UBE2H: variants seen among roughly 807,000 people sequenced by gnomAD.
UBE2H encodes ubiquitin conjugating enzyme E2 H, also known as ubiquitin-conjugating enzyme E2 H.
A neutral mutation model predicts 29.0 loss-of-function variants in UBE2H; 3 were observed. That is an observed-to-expected ratio of 0.10 (90% CI 0.05 to 0.27). UBE2H has a LOEUF of 0.27. Among genes scored for constraint, UBE2H ranks in the 10% least tolerant of loss-of-function variants. UBE2H has a pLI of 1.00. For synonymous variants in UBE2H, 69 were observed against 82.9 expected (o/e 0.83, Z 0.91); for missense variants, 68 against 228.2 (o/e 0.30, Z 4.52).
intron 5 of UBE2H, among the ~76,000 whole-genome samples, chr7:129,856,206 A>C (rs1007868953): frequency 2.0e-5 from 3 of 152,246 alleles, no homozygotes; most frequent in Admixed American, 2.0e-4. Flanking sequence ...TAACTTGCAG[A>C]TTGTGGCTGG....
At chr7:129,881,415 G>C (rs1018476710) in intron 1 of UBE2H, among the ~76,000 whole-genome samples, 2 of 152,214 alleles carry the variant, frequency 1.3e-5, no homozygotes, top group African/African-American at 4.8e-5. Context: ...GAGAGGCCTA[G>C]GCGGGTGGAT....
chr7:129,894,269 T>C (rs1174410721), intron 1 of UBE2H, among the ~76,000 whole-genome samples: 2 of 151,170 alleles, frequency 1.3e-5, no homozygotes, highest in African/African-American at 2.4e-5. Flanking sequence ...GCTTGGGCAA[T>C]ATGGTGAAAC....
intron 5 of UBE2H, among the ~76,000 whole-genome samples, chr7:129,845,787 C>T (rs1805500995): frequency 6.6e-6 from 1 of 152,246 alleles, no homozygotes; most frequent in Admixed American, 6.5e-5. Context: ...CACTGCCTTG[C>T]TCTTTGACCT....
chr7:129,941,074 C>T (rs1488295706), intron 1 of UBE2H, among the ~76,000 whole-genome samples: 1 of 152,200 alleles, frequency 6.6e-6, no homozygotes, highest in African/African-American at 2.4e-5. Flanking sequence ...CCTGCCTCAG[C>T]CTCCCAAGTA....
At chr7:129,920,303 G>T (rs1202541381) in intron 1 of UBE2H, among the ~76,000 whole-genome samples, 2 of 151,778 alleles carry the variant, frequency 1.3e-5, no homozygotes, top group African/African-American at 4.8e-5. Context: ...TGTGTCTAGT[G>T]AACAAAAAAG....
chr7:129,880,009 A>G (rs1212207783), intron 2 of UBE2H, among the ~76,000 whole-genome samples: 1 of 152,154 alleles, frequency 6.6e-6, no homozygotes, highest in African/African-American at 2.4e-5. Context: ...CCTGGAAACC[A>G]TTCACGTGGC....
chr7:129,848,057 C>T (rs1266839485), intron 5 of UBE2H, among the ~76,000 whole-genome samples: 1 of 152,138 alleles, frequency 6.6e-6, no homozygotes, highest in African/African-American at 2.4e-5. Flanking sequence ...AGAAAGTTTC[C>T]TTAAAACAAT....
At chr7:129,893,778 A>G (rs948028853) in intron 1 of UBE2H, among the ~76,000 whole-genome samples, 2 of 152,266 alleles carry the variant, frequency 1.3e-5, no homozygotes, top group Admixed American at 1.3e-4. Flanking sequence ...TTACAAATTT[A>G]CATAATGTAC....
At chr7:129,863,964 G>T (rs1805848656) in intron 3 of UBE2H, among the ~76,000 whole-genome samples, 1 of 151,888 alleles carries the variant, frequency 6.6e-6, no homozygotes, top group South Asian at 2.1e-4. Context: ...GCTAATTTTT[G>T]TATTTTTTCG....
intron 1 of UBE2H, among the ~76,000 whole-genome samples, chr7:129,883,372 T>C (rs1418029581): frequency 6.6e-6 from 1 of 152,256 alleles, no homozygotes; most frequent in African/African-American, 2.4e-5. Context: ...CTGTCAGCGC[T>C]ACTCCCGGAG....
chr7:129,943,524 C>T (rs1807689945), intron 1 of UBE2H, among the ~76,000 whole-genome samples: 2 of 148,418 alleles, frequency 1.3e-5, no homozygotes, highest in Non-Finnish European at 3.0e-5. Context: ...GCAGAGGTTG[C>T]AGTGAGTTGA....
intron 1 of UBE2H, among the ~76,000 whole-genome samples, chr7:129,937,272 T>C (rs1807550083): frequency 6.6e-6 from 1 of 151,580 alleles, no homozygotes; most frequent in East Asian, 1.9e-4. Flanking sequence ...GAGCTTGCAG[T>C]GAGCCGAGAT....
Position 129,833,703 on chromosome 7 carries a change from T to A in UBE2H, c.*1234A>T, listed in dbSNP as rs1218809727. On this transcript the variant is annotated 3_prime_UTR_variant, in exon 7 of 7. Coordinates refer to ENST00000355621, the MANE Select transcript of UBE2H (RefSeq NM_003344.4). ...AAAAAGCTGGTTTGTTTTTCCCATG[T>A]AGAATCACTCTGGGTACAAGAACCT... The A allele has an allele frequency of 6.6e-6, 1 of 152,196 alleles. No homozygotes were observed. Among genetic ancestry groups the A allele is most frequent in the Admixed American group, 6.5e-5 (1 of 15,274 alleles). The allele number at this position is 152,196 out of a possible 1,614,324, so 9.4% of individuals were successfully genotyped here.
chr7:129,916,042 C>A (rs1807037378), intron 1 of UBE2H, among the ~76,000 whole-genome samples: 3 of 152,218 alleles, frequency 2.0e-5, no homozygotes, highest in Admixed American at 2.0e-4. Context: ...ATAAAACCCT[C>A]TGAATCTTAG....
At chr7:129,884,203 G>C (rs1337107057) in intron 1 of UBE2H, among the ~76,000 whole-genome samples, 1 of 152,130 alleles carries the variant, frequency 6.6e-6, no homozygotes, top group Non-Finnish European at 1.5e-5. Flanking sequence ...GGATCACGAG[G>C]TCAGGAGATC....
chr7:129,914,766 T>C (rs1273962259), intron 1 of UBE2H, among the ~76,000 whole-genome samples: 1 of 152,172 alleles, frequency 6.6e-6, no homozygotes, highest in Non-Finnish European at 1.5e-5. Context: ...GAGAATTTAG[T>C]TGTTCAGAGT....
intron 1 of UBE2H, among the ~76,000 whole-genome samples, chr7:129,937,920 T>C (rs1373737352): frequency 6.6e-6 from 1 of 152,208 alleles, no homozygotes. Context: ...TGAGTGCTTT[T>C]ATCCTCAGTT....
intron 1 of UBE2H, among the ~76,000 whole-genome samples, chr7:129,940,345 G>C (rs1174770233): frequency 6.6e-6 from 1 of 152,166 alleles, no homozygotes; most frequent in Non-Finnish European, 1.5e-5. Context: ...TTGAACCAAA[G>C]ACAAAGATTA....
At position 129,833,237 on chromosome 7, in the gene UBE2H, T is replaced by TAA. The variant is rs1805263350; in HGVS notation, c.*1699_*1700insTT. 2 of 152,610 alleles carry TAA rather than the reference T, an allele frequency of 1.3e-5. No individual in the cohort carries two copies. Among genetic ancestry groups the TAA allele is most frequent in the Admixed American group, 6.5e-5 (1 of 15,282 alleles). The allele number at this position is 152,610 out of a possible 1,614,324, so 9.5% of individuals were successfully genotyped here. ...TATAGATTTTCAAACAAAAGATTGA[T>TAA]TGTGCTTTTTGAATAAAAAAGATAG... On this transcript the variant is annotated 3_prime_UTR_variant, in exon 7 of 7. Coordinates refer to ENST00000355621, the MANE Select transcript of UBE2H (RefSeq NM_003344.4).
Sources: allele counts gnomAD v4.1 joint callset (sites outside exome capture counted in the v4.1 genomes callset), GRCh38; gene constraint gnomAD v4.1.1; transcripts MANE v1.5; gene names NCBI Gene and HGNC (gene_info 2026-07-23, HGNC 2026-07-21).